The following BMPER variants were observed in gnomAD, a reference collection of about 807,000 sequenced individuals.
BMPER encodes the protein BMP binding endothelial regulator.
Under a neutral mutation model 87.3 loss-of-function variants are expected in BMPER, and 45 were observed. The ratio of observed to expected loss-of-function variants is 0.52; its 90% CI spans 0.41 to 0.66. The LOEUF (loss-of-function observed/expected upper bound fraction) is 0.66. Ranked by LOEUF, BMPER falls within the 30% of genes least tolerant of loss-of-function variation. The pLI, the probability that BMPER is intolerant of heterozygous loss-of-function variation, is 0.00. For synonymous variants in BMPER, 326 were observed against 316.2 expected, an observed-to-expected ratio of 1.03 and a Z score of -0.33; for missense variants, 784 against 867.5, an observed-to-expected ratio of 0.90 and a Z score of 1.21.
chr7:33,917,773 A>G (rs1784121090), intron 2 of BMPER, among the ~76,000 whole-genome samples: 2 of 152,220 alleles, frequency 1.3e-5, no homozygotes, highest in African/African-American at 2.4e-5. Context: ...ATATTTGACC[A>G]GATGATTTTT....
intron 13 of BMPER, among the ~76,000 whole-genome samples, chr7:34,102,546 C>T (rs1205386881): frequency 6.6e-6 from 1 of 152,138 alleles, no homozygotes; most frequent in Non-Finnish European, 1.5e-5. Context: ...CAATCAAGGC[C>T]CCTCCTAACC....
At chr7:33,911,908 G>A (rs1472168878) in intron 2 of BMPER, among the ~76,000 whole-genome samples, 1 of 152,156 alleles carries the variant, frequency 6.6e-6, no homozygotes, top group Non-Finnish European at 1.5e-5. Context: ...AAAAGAAAAT[G>A]ATAAAAGGGA....
chr7:34,057,936 G>A, intron 9 of BMPER, 123 bp from the exon 10 acceptor site: 1 of 779,630 alleles, frequency 1.3e-6, no homozygotes, highest in Non-Finnish European at 2.2e-6. Context: ...GAGTCATTTA[G>A]TCTAATGATG....
At chr7:33,935,223 G>C (rs1447389851) in intron 2 of BMPER, among the ~76,000 whole-genome samples, 1 of 152,162 alleles carries the variant, frequency 6.6e-6, no homozygotes, top group Admixed American at 6.5e-5. Context: ...TGGGGAGCGT[G>C]GAGCCAGTAT....
intron 2 of BMPER, among the ~76,000 whole-genome samples, chr7:33,910,304 C>T (rs1179692075): frequency 1.3e-5 from 2 of 152,148 alleles, no homozygotes; most frequent in Non-Finnish European, 2.9e-5. Flanking sequence ...TTATTTTTCC[C>T]ATAATGTCTA....
intron 6 of BMPER, among the ~76,000 whole-genome samples, chr7:34,028,928 A>G (rs984017726): frequency 1.3e-5 from 2 of 152,064 alleles, no homozygotes; most frequent in African/African-American, 2.4e-5. Context: ...ACGATTCTAC[A>G]TGAAGCCTTT....
chr7:33,948,140 T>G lies in BMPER; in HGVS notation c.319+10752T>G, dbSNP rs181735867. The stretch of plus-strand genomic sequence containing the variant: ...TTCCTCAACCTCTGCTTTCCTTTCT[T>G]TTAGACATGGCCAAATTCTCTGGTA... On this transcript the variant is annotated intron_variant, in intron 3 of 14. Transcript: ENST00000649409. 3.2e-3 allele frequency among the ~76,000 whole-genome samples: 483 copies of G among 152,316 alleles called. 1 individual carries two copies. The highest frequency in any genetic ancestry group is 5.7e-3 in the Non-Finnish European group (390 of 68,020).
intron 3 of BMPER, among the ~76,000 whole-genome samples, chr7:33,957,762 T>A (rs1172217443): frequency 6.6e-6 from 1 of 152,202 alleles, no homozygotes; most frequent in Non-Finnish European, 1.5e-5. Flanking sequence ...TTTCTGTGAA[T>A]CTATATTTCA....
At chr7:33,974,509 TG>T (rs1444984846) in intron 5 of BMPER, among the ~76,000 whole-genome samples, 192 bp from the exon 6 acceptor site, 1 of 152,114 alleles carries the variant, frequency 6.6e-6, no homozygotes, top group Admixed American at 6.5e-5. Context: ...CCAGCATCTT[TG>T]GGGTTTCAGG....
At chr7:34,019,443 T>C (rs1351141549) in intron 6 of BMPER, among the ~76,000 whole-genome samples, 1 of 151,986 alleles carries the variant, frequency 6.6e-6, no homozygotes, top group Non-Finnish European at 1.5e-5. Context: ...AGAAATATTT[T>C]TTCCCTCCTC....
intron 3 of BMPER, among the ~76,000 whole-genome samples, chr7:33,937,768 C>T (rs1784644256): frequency 6.6e-6 from 1 of 152,178 alleles, no homozygotes; most frequent in Non-Finnish European, 1.5e-5. Flanking sequence ...TCCACACTCA[C>T]CCTGCCCACC....
chr7:34,023,435 C>T (rs1787252170), intron 6 of BMPER, among the ~76,000 whole-genome samples: 1 of 152,152 alleles, frequency 6.6e-6, no homozygotes, highest in African/African-American at 2.4e-5. Context: ...ACCACTGCCA[C>T]CGTGGCTGAG....
At chr7:34,104,492 C>A (rs2127983893) in intron 13 of BMPER, among the ~76,000 whole-genome samples, 1 of 152,296 alleles carries the variant, frequency 6.6e-6, no homozygotes, top group Non-Finnish European at 1.5e-5. Context: ...AACCTTGAGA[C>A]TTGTTGAACA....
At chr7:33,928,320 C>T (rs1585645216) in intron 2 of BMPER, among the ~76,000 whole-genome samples, 1 of 152,240 alleles carries the variant, frequency 6.6e-6, no homozygotes, top group African/African-American at 2.4e-5. Context: ...ACAGGGCCCA[C>T]GGGGCTCGAT....
intron 13 of BMPER, among the ~76,000 whole-genome samples, chr7:34,131,404 C>T (rs928590648): frequency 3.3e-5 from 5 of 152,156 alleles, no homozygotes; most frequent in African/African-American, 4.8e-5. Context: ...TGATGCAAGG[C>T]CCCCAGCATC....
At chr7:34,089,906 A>G (rs568906093) in intron 13 of BMPER, among the ~76,000 whole-genome samples, 2 of 152,300 alleles carry the variant, frequency 1.3e-5, no homozygotes, top group East Asian at 3.9e-4. Flanking sequence ...TGAATGAGAA[A>G]TTACTTCATA....
At chr7:34,076,480 T>C (rs1788869038) in intron 11 of BMPER, among the ~76,000 whole-genome samples, 1 of 152,150 alleles carries the variant, frequency 6.6e-6, no homozygotes, top group Non-Finnish European at 1.5e-5. Context: ...ACATATAATT[T>C]TGTCCTTGAT....
chr7:33,919,954 T>C (rs1276979412), intron 2 of BMPER, among the ~76,000 whole-genome samples: 1 of 152,074 alleles, frequency 6.6e-6, no homozygotes, highest in Admixed American at 6.5e-5. Context: ...TATCTATCTA[T>C]ATGTATTTAT....
At chr7:34,037,789 C>T (rs1585763267) in intron 6 of BMPER, among the ~76,000 whole-genome samples, 1 of 152,196 alleles carries the variant, frequency 6.6e-6, no homozygotes, top group African/African-American at 2.4e-5. Flanking sequence ...AAGACGAAAA[C>T]ATTGGATTGT....
Sources: gnomAD v4.1 joint callset for allele counts (sites outside exome capture counted in the v4.1 genomes callset) on GRCh38, gnomAD v4.1.1 for gene constraint, MANE v1.5 for transcripts, NCBI Gene and HGNC (gene_info 2026-07-23, HGNC 2026-07-21) for gene names.